The following PCDH11X variants were observed in gnomAD, a reference collection of about 807,000 sequenced individuals.
PCDH11X encodes the protein protocadherin-11 X-linked.
Under a neutral mutation model 53.3 loss-of-function variants are expected in PCDH11X, and 18 were observed. The observed-to-expected ratio is 0.34, with a 90% CI of 0.23 to 0.50. The LOEUF (loss-of-function observed/expected upper bound fraction) is 0.50. PCDH11X is among the 20% of genes least tolerant of loss of function. The pLI is 0.98. For missense variants in PCDH11X, 570 were observed against 1,032.4 expected, an observed-to-expected ratio of 0.55 and a Z score of 6.14; for synonymous variants, 279 against 393.3, an observed-to-expected ratio of 0.71 and a Z score of 3.44.
intron 6 of PCDH11X, among the ~76,000 whole-genome samples, chrX:91,921,989 C>T (rs1941758446): frequency 9.0e-6 from 1 of 110,775 alleles, no homozygotes; most frequent in Non-Finnish European, 1.9e-5. Context: ...ATAGGAATGA[C>T]CTTTACTTTA....
At chrX:92,428,917 G>T (rs1402726398) in intron 9 of PCDH11X, among the ~76,000 whole-genome samples, 1 of 111,198 alleles carries the variant, frequency 9.0e-6, no homozygotes. Flanking sequence ...ACTTCATAGA[G>T]ACCAGATACC....
At chrX:92,305,669 A>G (rs911203509) in intron 8 of PCDH11X, among the ~76,000 whole-genome samples, 6 of 108,271 alleles carry the variant, frequency 5.5e-5, no homozygotes, top group Non-Finnish European at 1.2e-4. Flanking sequence ...TTAAGCATAT[A>G]CATTTGATGT....
At chrX:91,894,161 T>C (rs1234456113) in intron 6 of PCDH11X, among the ~76,000 whole-genome samples, 1 of 112,130 alleles carries the variant, frequency 8.9e-6, no homozygotes, top group African/African-American at 3.2e-5. Flanking sequence ...GTCACCTCTT[T>C]TTGTAAAGGA....
chrX:92,504,091 T>G (rs1324746389), intron 10 of PCDH11X, among the ~76,000 whole-genome samples: 1 of 92,192 alleles, frequency 1.1e-5, no homozygotes, highest in Non-Finnish European at 2.2e-5. Flanking sequence ...GAGCACAATA[T>G]CTGTCTTCAT....
intron 10 of PCDH11X, among the ~76,000 whole-genome samples, chrX:92,488,162 C>A (rs2073684455): frequency 9.1e-6 from 1 of 109,822 alleles, no homozygotes; most frequent in African/African-American, 3.3e-5. Context: ...CTCTCAACAT[C>A]AGTATCATCT....
chrX:91,955,166 G>A (rs1210099898), intron 6 of PCDH11X, among the ~76,000 whole-genome samples: 1 of 111,339 alleles, frequency 9.0e-6, no homozygotes, highest in African/African-American at 3.3e-5. Context: ...TCAATTTTCT[G>A]CGTATGGCTA....
intron 9 of PCDH11X, among the ~76,000 whole-genome samples, chrX:92,453,053 G>A (rs1485213963): frequency 9.7e-6 from 1 of 103,250 alleles, no homozygotes; most frequent in Non-Finnish European, 1.9e-5. Context: ...ATTTATAACA[G>A]TGTTTGAAGT....
chrX:92,513,400 G>C (rs1248816669), intron 10 of PCDH11X, among the ~76,000 whole-genome samples: 2 of 109,871 alleles, frequency 1.8e-5, no homozygotes, highest in African/African-American at 6.6e-5. Flanking sequence ...GGAAGTAAAA[G>C]GGGATATGAG....
intron 8 of PCDH11X, among the ~76,000 whole-genome samples, chrX:92,305,576 G>T (rs1216418695): frequency 9.1e-6 from 1 of 110,086 alleles, no homozygotes; most frequent in Non-Finnish European, 1.9e-5. Context: ...CTTCCTAAAG[G>T]CCCTATTTGC....
chrX:92,025,859 G>T (rs1365605162), intron 6 of PCDH11X, among the ~76,000 whole-genome samples: 3 of 110,368 alleles, frequency 2.7e-5, no homozygotes, highest in Non-Finnish European at 5.7e-5. Flanking sequence ...ATACACCATG[G>T]AATGCTATGC....
intron 8 of PCDH11X, among the ~76,000 whole-genome samples, chrX:92,363,155 GT>G (rs1268513810): frequency 5.4e-5 from 6 of 110,740 alleles, no homozygotes; most frequent in Non-Finnish European, 9.5e-5. Flanking sequence ...AATTCCATAT[GT>G]TTTTTGGATG....
Position 92,058,544 on chromosome X carries a change from A to G in PCDH11X, c.3034-142831A>G, listed in dbSNP as rs1412543117. On this transcript the variant is annotated intron_variant, in intron 6 of 10. Transcript: ENST00000682573. The stretch of plus-strand genomic sequence containing the variant: ...GTATCTGCTTGTATGTATTTGTTTA[A>G]TCCTCATAGTATGTGTAATTCATTT... Among the ~76,000 whole-genome samples the G allele has an allele frequency of 2.7e-5, 3 of 111,921 alleles. No individual in the cohort carries two copies. In the East Asian group the frequency reaches 8.4e-4, roughly 31 times the overall value.
intron 8 of PCDH11X, among the ~76,000 whole-genome samples, chrX:92,335,736 T>C (rs1446242667): frequency 1.8e-5 from 2 of 111,741 alleles, no homozygotes; most frequent in Non-Finnish European, 3.8e-5. Context: ...TAAATGTACT[T>C]TGTTGGTAAG....
At chrX:91,911,610 C>T (rs1302440332) in intron 6 of PCDH11X, among the ~76,000 whole-genome samples, 1 of 110,168 alleles carries the variant, frequency 9.1e-6, no homozygotes, top group Non-Finnish European at 1.9e-5. Context: ...TTACCCTCCT[C>T]TCCCCAACTT....
chrX:92,429,362 A>G (rs1305587570), intron 9 of PCDH11X, among the ~76,000 whole-genome samples: 24 of 110,187 alleles, frequency 2.2e-4, no homozygotes, highest in Non-Finnish European at 3.8e-5. Context: ...CAGATAGCAC[A>G]GATGAGACAG....
In PCDH11X at chrX:92,337,899, A is replaced by G. The variant is rs540652148; in HGVS notation, c.3145-49836A>G. On this transcript the variant is annotated intron_variant, in intron 8 of 10. Transcript: ENST00000682573. ...GATCCATACTAAGAAATGCAGATAAAGTCCCACAGCTTTTGATTAGACATA... is the reference window on the plus strand; with the variant it reads ...GATCCATACTAAGAAATGCAGATAAGGTCCCACAGCTTTTGATTAGACATA... Among the ~76,000 whole-genome samples the G allele has an allele frequency of 4.5e-5, 5 of 111,775 alleles. 1 individual carries two copies. In the South Asian group the frequency reaches 1.9e-3, roughly 42 times the overall value.
Position 92,232,779 on chromosome X carries a change from C to A in PCDH11X, c.3115-30335C>A, listed in dbSNP as rs186035013. ...TCGCCCAGGCTGGAGTGCAGTGGTGCGATCTTGGCTCACTGTAAGCTCCGC... is the reference window on the plus strand; with the variant it reads ...TCGCCCAGGCTGGAGTGCAGTGGTGAGATCTTGGCTCACTGTAAGCTCCGC... On this transcript the variant is annotated intron_variant, in intron 7 of 10. Transcript: ENST00000682573. Among the ~76,000 whole-genome samples, 3 of 111,999 alleles carry A rather than the reference C, an allele frequency of 2.7e-5. No individual in the cohort carries two copies. In the East Asian group the frequency reaches 8.5e-4, roughly 32 times the overall value.
At chrX:91,907,405 A>ACC (rs1169870020) in intron 6 of PCDH11X, among the ~76,000 whole-genome samples, 11,045 of 72,200 alleles carry the variant, frequency 0.15, 1,170 homozygotes, top group Admixed American at 0.35. Flanking sequence ...ACACACACAC[A>ACC]CACACACAGA....
At chrX:92,173,478 C>A (rs6618889) in intron 6 of PCDH11X, among the ~76,000 whole-genome samples, 54,985 of 108,859 alleles carry the variant, frequency 0.51, 10,588 homozygotes, top group Non-Finnish European at 0.6. Context: ...CAAGGAAGAC[C>A]ATACCATTTG....
Sources: allele counts gnomAD v4.1 joint callset (sites outside exome capture counted in the v4.1 genomes callset), GRCh38; gene constraint gnomAD v4.1.1; transcripts MANE v1.5; gene names NCBI Gene and HGNC (gene_info 2026-07-23, HGNC 2026-07-21).